Variants in RABGAP1 observed in about 807,000 individuals in gnomAD.
The protein encoded by RABGAP1 is rab GTPase-activating protein 1.
In RABGAP1, 23 loss-of-function variants were observed where a neutral mutation model predicts 137.6. The observed-to-expected ratio is 0.17, with a 90% CI of 0.12 to 0.24. The LOEUF is 0.24. Ranked by LOEUF, RABGAP1 falls within the 10% of genes least tolerant of loss-of-function variation. The pLI is 1.00. For missense variants in RABGAP1, 906 were observed against 1,275.8 expected (o/e 0.71, Z 4.42); for synonymous variants, 451 against 450.7 (o/e 1.00, Z -0.01).
intron 6 of RABGAP1, among the ~76,000 whole-genome samples, chr9:122,995,188 A>G (rs1836951134): frequency 6.6e-6 from 1 of 152,190 alleles, no homozygotes; most frequent in Admixed American, 6.5e-5. Context: ...ACTAGTTAGT[A>G]TTTTATAATT....
At chr9:123,062,933 C>T (rs1588361406) in intron 13 of RABGAP1, among the ~76,000 whole-genome samples, 1 of 152,060 alleles carries the variant, frequency 6.6e-6, no homozygotes, top group Non-Finnish European at 1.5e-5. Context: ...GGATTACAGG[C>T]ACCTGCCACC....
At chr9:123,049,821 G>A (rs1036963979) in intron 13 of RABGAP1, among the ~76,000 whole-genome samples, 3 of 152,228 alleles carry the variant, frequency 2.0e-5, no homozygotes, top group African/African-American at 7.2e-5. Flanking sequence ...AAGAGCTACC[G>A]CTGATATACC....
At chr9:123,035,849 T>A (rs2032627163) in intron 13 of RABGAP1, among the ~76,000 whole-genome samples, 1 of 152,204 alleles carries the variant, frequency 6.6e-6, no homozygotes, top group African/African-American at 2.4e-5. Flanking sequence ...GACAAATTGC[T>A]CTTGCTCTCA....
At chr9:122,972,257 C>G (rs1171405104) in intron 2 of RABGAP1, among the ~76,000 whole-genome samples, 2 of 152,114 alleles carry the variant, frequency 1.3e-5, no homozygotes, top group Non-Finnish European at 2.9e-5. Flanking sequence ...CAGTGCGACC[C>G]TGTCTCTTTA....
Position 122,989,401 on chromosome 9 carries a change from C to G in RABGAP1, c.695C>G (p.Ala232Gly). The change falls in exon 5 of 26, where the codon GCT (alanine) becomes GGT (glycine). Residue 232 changes from alanine (A) to glycine (G), a missense_variant. By Grantham distance (60) the Ala-to-Gly change is moderately conservative. Transcript: ENST00000373647. ...HDGTPESDCF[A>G]FTESHYNAEL... is the part of the protein sequence containing the mutation. The stretch of plus-strand genomic sequence containing the variant: ...GGAACTCCTGAGAGTGACTGTTTTG[C>G]TTTCACTGAAAGTCATTACAATGCA... 6.2e-7 allele frequency: 1 copy of G among 1,614,038 alleles called. No homozygotes were observed. Among genetic ancestry groups the G allele is most frequent in the Non-Finnish European group, 8.5e-7 (1 of 1,179,980 alleles).
intron 1 of RABGAP1, among the ~76,000 whole-genome samples, chr9:122,948,584 T>G (rs528997211): frequency 3.7e-4 from 56 of 152,194 alleles, no homozygotes; most frequent in Admixed American, 1.2e-3. Flanking sequence ...TCTCTTTTGA[T>G]TTAGCAAGAT....
intron 13 of RABGAP1, chr9:123,034,708 AT>A (rs1320678779): frequency 1.2e-6 from 2 of 1,613,660 alleles, no homozygotes; most frequent in Admixed American, 3.3e-5. Flanking sequence ...TGGCAACATC[AT>A]TGTGATTTTT....
chr9:123,050,576 G>A (rs972648586), intron 13 of RABGAP1, among the ~76,000 whole-genome samples: 3 of 152,226 alleles, frequency 2.0e-5, no homozygotes, highest in African/African-American at 7.2e-5. Context: ...ATTCTTCAGA[G>A]CTAAATTAAG....
chr9:123,016,159 A>G (rs2031210970), intron 12 of RABGAP1, among the ~76,000 whole-genome samples: 1 of 152,180 alleles, frequency 6.6e-6, no homozygotes, highest in African/African-American at 2.4e-5. Flanking sequence ...AGCTCAAGAG[A>G]TGGTTTGACA....
chr9:123,096,504 A>G (rs1196965012), intron 21 of RABGAP1, among the ~76,000 whole-genome samples: 1 of 152,244 alleles, frequency 6.6e-6, no homozygotes, highest in Non-Finnish European at 1.5e-5. Context: ...AATTGCGTGC[A>G]TTTGCAGTTT....
chr9:123,024,904 T>C (rs1379737896), intron 13 of RABGAP1, among the ~76,000 whole-genome samples: 1 of 152,226 alleles, frequency 6.6e-6, no homozygotes, highest in Non-Finnish European at 1.5e-5. Context: ...ATTATAAATA[T>C]ATTTTTTAAT....
Position 122,986,218 on chromosome 9 carries a change from C to G in RABGAP1, c.389C>G (p.Ser130Cys). The change falls in exon 4 of 26, where the codon TCT (serine) becomes TGT (cysteine). Residue 130 changes from serine to cysteine, a missense_variant. This residue lies in a region of RABGAP1 where 331 missense variants were observed against 358.3 expected (regional missense o/e 0.92). Transcript: ENST00000373647. ...CCTTATTCATTGTTTCTTTCAGATT[C>G]TGAAGCTTCAAGTCCTTTCACACCA... ...SLPVKPGQGD[S>C]EASSPFTPVA... is the part of the protein sequence containing the mutation. 1 of 1,612,942 alleles carries G rather than the reference C, an allele frequency of 6.2e-7. No homozygotes were observed. Among genetic ancestry groups the G allele is most frequent in the South Asian group, 1.1e-5 (1 of 90,916 alleles).
chr9:123,054,962 CCA>C (rs1444163029), intron 13 of RABGAP1, among the ~76,000 whole-genome samples: 1 of 152,068 alleles, frequency 6.6e-6, no homozygotes, highest in Non-Finnish European at 1.5e-5. Flanking sequence ...TCAGTTTTCT[CCA>C]CCATAAAGTT....
Position 123,018,398 on chromosome 9 carries a change from A to C in RABGAP1, c.1644-1911A>C, listed in dbSNP as rs150010855. ...TAAGGTTAGCAGGCTTTGTCTGTAA[A>C]GAGCCAAATAATAAATATTTTAGGT... On this transcript the variant is annotated intron_variant, in intron 12 of 25. Transcript: ENST00000373647. Among the ~76,000 whole-genome samples, 462 of 152,364 alleles carry C rather than the reference A, an allele frequency of 3.0e-3. 3 individuals are homozygous for C. Among genetic ancestry groups the C allele is most frequent in the Non-Finnish European group, 3.1e-3 (212 of 68,030 alleles).
chr9:123,096,091 C>T (rs2035174950), intron 21 of RABGAP1, among the ~76,000 whole-genome samples: 1 of 152,154 alleles, frequency 6.6e-6, no homozygotes, highest in South Asian at 2.1e-4. Context: ...GTGCTCAAGT[C>T]TTATGTAGAA....
chr9:123,034,432 G>T, intron 13 of RABGAP1: 1 of 653,578 alleles, frequency 1.5e-6, no homozygotes, highest in African/African-American at 1.8e-5. Context: ...AGCAGCATCA[G>T]GAGCTTGGGG....
chr9:122,994,218 G>A (rs1836900926), intron 6 of RABGAP1, among the ~76,000 whole-genome samples: 1 of 152,196 alleles, frequency 6.6e-6, no homozygotes, highest in East Asian at 1.9e-4. Flanking sequence ...GACATTCAGT[G>A]AGGTGAACAC....
At chr9:123,017,673 T>C (rs1245452498) in intron 12 of RABGAP1, among the ~76,000 whole-genome samples, 1 of 152,208 alleles carries the variant, frequency 6.6e-6, no homozygotes, top group African/African-American at 2.4e-5. Context: ...AAAATAGAAG[T>C]CTATAAAATT....
intron 15 of RABGAP1, among the ~76,000 whole-genome samples, chr9:123,071,063 C>T (rs2034338959): frequency 6.6e-6 from 1 of 152,100 alleles, no homozygotes; most frequent in Admixed American, 6.6e-5. Flanking sequence ...AACATCAAGA[C>T]TTCTAAATAC....
Sources: gnomAD v4.1 joint callset for allele counts (sites outside exome capture counted in the v4.1 genomes callset) on GRCh38, gnomAD v4.1.1 for gene constraint, gnomAD v4.1.1 regional missense constraint, MANE v1.5 for transcripts, NCBI Gene and HGNC (gene_info 2026-07-23, HGNC 2026-07-21) for gene names.